The following STRBP variants were observed in gnomAD, a reference collection of about 807,000 sequenced individuals.
The protein encoded by STRBP is spermatid perinuclear RNA binding protein, also known as spermatid perinuclear RNA-binding protein.
A neutral mutation model predicts 80.1 loss-of-function variants in STRBP; 13 were observed. That is an observed-to-expected ratio of 0.16 (90% CI 0.11 to 0.26). The LOEUF is 0.26. STRBP is among the 10% of genes least tolerant of loss of function. The pLI is 1.00. For missense variants in STRBP, 485 were observed against 815.2 expected, an observed-to-expected ratio of 0.59 and a Z score of 4.93; for synonymous variants, 284 against 291.2, an observed-to-expected ratio of 0.98 and a Z score of 0.25.
At chr9:123,203,097 T>A (rs2039386057) in intron 2 of STRBP, among the ~76,000 whole-genome samples, 1 of 152,136 alleles carries the variant, frequency 6.6e-6, no homozygotes, top group Non-Finnish European at 1.5e-5. Context: ...CTCACACCTG[T>A]AATCCTAATA....
At chr9:123,242,335 G>A (rs568726770) in intron 1 of STRBP, among the ~76,000 whole-genome samples, 4 of 152,166 alleles carry the variant, frequency 2.6e-5, no homozygotes, top group Non-Finnish European at 5.9e-5. Context: ...CATAACAGAA[G>A]TTCATAAAGA....
In STRBP at chr9:123,179,170, T is replaced by C; in HGVS notation, c.61A>G (p.Ile21Val). The change falls in exon 4 of 19, where the codon ATC (isoleucine) becomes GTC (valine). Residue 21 changes from isoleucine to valine, a missense_variant. Coordinates refer to ENST00000348403, the MANE Select transcript of STRBP (RefSeq NM_018387.5). ...TCAAGTTCCTCCGGAGATGGATAGA[T>C]TGTTGAATGTTTCACCATAACATGG... ...DRHVMVKHSTIYPSPEELEAV... is the reference protein window; with the variant it reads ...DRHVMVKHSTVYPSPEELEAV... The C allele has an allele frequency of 2.5e-6, 4 of 1,612,912 alleles. No homozygotes were observed. In the Admixed American group the frequency reaches 5.0e-5, roughly 20 times the overall value.
intron 3 of STRBP, among the ~76,000 whole-genome samples, chr9:123,180,376 A>T (rs2038406026): frequency 6.6e-6 from 1 of 152,210 alleles, no homozygotes; most frequent in Non-Finnish European, 1.5e-5. Flanking sequence ...TTGACATTCA[A>T]ACCTTTGGTG....
At chr9:123,189,681 A>C (rs544404800) in intron 2 of STRBP, among the ~76,000 whole-genome samples, 65 of 149,800 alleles carry the variant, frequency 4.3e-4, no homozygotes, top group African/African-American at 1.5e-3. Flanking sequence ...GGAACATCAC[A>C]CACCCAGGGC....
rs2035632569 is a variant in STRBP at position 123,115,577 on chromosome 9, T to C, written c.*84+352A>G. On this transcript the variant is annotated intron_variant and NMD_transcript_variant, in intron 3 of 3. Coordinates refer to the STRBP transcript ENST00000471564. The surrounding 1 kb of genome is among the most constrained non-coding windows in gnomAD (Gnocchi z 5.0). ...TCTGACATTTTCTCCAACTGCTCCT[T>C]CTCCCCCATCACAGAGCCTGGTAAG... 3 of 352,282 alleles carry C rather than the reference T, an allele frequency of 8.5e-6. No individual in the cohort carries two copies. Among genetic ancestry groups the C allele is most frequent in the Non-Finnish European group, 1.7e-5 (3 of 176,628 alleles). 21.8% of individuals were successfully genotyped at this position (352,282 alleles called of 1,614,324 possible).
intron 3 of STRBP, among the ~76,000 whole-genome samples, chr9:123,179,990 T>C (rs564622600): frequency 6.6e-5 from 10 of 152,092 alleles, no homozygotes; most frequent in Admixed American, 6.5e-4. Flanking sequence ...TGGTGGCTCA[T>C]GCCTATAATT....
intron 2 of STRBP, among the ~76,000 whole-genome samples, chr9:123,218,882 G>C (rs2039984866): frequency 6.6e-6 from 1 of 152,000 alleles, no homozygotes; most frequent in African/African-American, 2.4e-5. Flanking sequence ...AGCGCTTACT[G>C]TTCTAAGTAC....
chr9:123,209,475 A>G (rs1235990097), intron 2 of STRBP, among the ~76,000 whole-genome samples: 1 of 152,242 alleles, frequency 6.6e-6, no homozygotes, highest in African/African-American at 2.4e-5. Flanking sequence ...ATGTAAAAGC[A>G]TTTGATAAAG....
chr9:123,204,812 T>C (rs2039454545), intron 2 of STRBP, among the ~76,000 whole-genome samples: 1 of 150,030 alleles, frequency 6.7e-6, no homozygotes, highest in Non-Finnish European at 1.5e-5. Context: ...TAGTCCCAGC[T>C]ACTCGGGAGG....
At chr9:123,157,885 A>G in intron 11 of STRBP, 127 bp downstream of exon 11, 1 of 744,900 alleles carries the variant, frequency 1.3e-6, no homozygotes, top group Non-Finnish European at 2.3e-6. Flanking sequence ...TCAGTCAGGA[A>G]GAAAGCTTTT....
intron 2 of STRBP, among the ~76,000 whole-genome samples, chr9:123,211,769 A>AGTGTCCTCC (rs1289482175): frequency 6.6e-6 from 1 of 152,218 alleles, no homozygotes; most frequent in African/African-American, 2.4e-5. Flanking sequence ...TTGCTAATAT[A>AGTGTCCTCC]GTGTCCTCCT....
intron 16 of STRBP, among the ~76,000 whole-genome samples, chr9:123,134,047 T>C (rs958840324): frequency 6.6e-6 from 1 of 151,984 alleles, no homozygotes; most frequent in African/African-American, 2.4e-5. Flanking sequence ...AGAGAACAGA[T>C]ATAAAAACAT....
chr9:123,263,896 T>C (rs1473390908), intron 1 of STRBP, among the ~76,000 whole-genome samples: 2 of 152,200 alleles, frequency 1.3e-5, no homozygotes, highest in Non-Finnish European at 2.9e-5. Context: ...AGAATTGAAT[T>C]TGGCTGGGCG....
chr9:123,116,180 G>A, intron 2 of STRBP: 3 of 444,650 alleles, frequency 6.7e-6, no homozygotes, highest in Non-Finnish European at 1.4e-5. Context: ...CCCAACACCA[G>A]ATTGCTCTGG....
chr9:123,109,716 A>G (rs2035533029), exon 4 of STRBP: 3 of 152,202 alleles, frequency 2.0e-5, no homozygotes. Flanking sequence ...CGAGGCACTG[A>G]TGACCATCCA....
intron 2 of STRBP, chr9:123,212,677 C>A (rs943837820): frequency 2.6e-5 from 4 of 152,270 alleles, no homozygotes; most frequent in African/African-American, 9.6e-5. Context: ...AGGATAAGAA[C>A]ATTGAAGACA....
chr9:123,167,050 C>T (rs1451311879), intron 6 of STRBP, among the ~76,000 whole-genome samples: 1 of 152,076 alleles, frequency 6.6e-6, no homozygotes, highest in Non-Finnish European at 1.5e-5. Flanking sequence ...AGATCCATTG[C>T]ACAATCCTGA....
chr9:123,264,032 A>C (rs1323154034), intron 1 of STRBP, among the ~76,000 whole-genome samples: 1 of 152,204 alleles, frequency 6.6e-6, no homozygotes, highest in Non-Finnish European at 1.5e-5. Flanking sequence ...ACAAAAAATT[A>C]GCTGGGCGTG....
chr9:123,173,948 G>A, intron 4 of STRBP, 106 bp from the exon 5 acceptor site: 1 of 1,229,852 alleles, frequency 8.1e-7, no homozygotes, highest in Non-Finnish European at 1.1e-6. Context: ...AAGGGAGTAT[G>A]TAAATCCAGA....
Sources: allele counts gnomAD v4.1 joint callset (sites outside exome capture counted in the v4.1 genomes callset), GRCh38; gene constraint gnomAD v4.1.1; non-coding constraint Gnocchi (gnomAD v3.1); transcripts MANE v1.5; gene names NCBI Gene and HGNC (gene_info 2026-07-23, HGNC 2026-07-21).